The following LPAR5 variants were observed in gnomAD, a reference collection of about 807,000 sequenced individuals.
LPAR5 encodes the protein lysophosphatidic acid receptor 5.
For missense variants in LPAR5, 544 were observed against 521.8 expected, an observed-to-expected ratio of 1.04 and a Z score of -0.41; for synonymous variants, 271 against 261.6, an observed-to-expected ratio of 1.04 and a Z score of -0.35.
At chr12:6,635,297 C>T (rs1949003159) in intron 1 of LPAR5, among the ~76,000 whole-genome samples, 1 of 152,102 alleles carries the variant, frequency 6.6e-6, no homozygotes, top group Non-Finnish European at 1.5e-5. Context: ...CCCCTGAAGC[C>T]ACCATCTATC....
chr12:6,633,772 C>G (rs931764651), intron 1 of LPAR5, among the ~76,000 whole-genome samples: 1 of 152,058 alleles, frequency 6.6e-6, no homozygotes, highest in African/African-American at 2.4e-5. Flanking sequence ...GTAGGTATGT[C>G]CTGGGGTATG....
chr12:6,626,800 C>T (rs1473813264), intron 1 of LPAR5, among the ~76,000 whole-genome samples: 1 of 152,228 alleles, frequency 6.6e-6, no homozygotes, highest in Non-Finnish European at 1.5e-5. Flanking sequence ...CCTAACCGCC[C>T]CCGCAACACA....
At chr12:6,622,614 G>A (rs1388865705) in intron 1 of LPAR5, among the ~76,000 whole-genome samples, 6 of 146,168 alleles carry the variant, frequency 4.1e-5, no homozygotes, top group Non-Finnish European at 1.5e-5. Flanking sequence ...AGCCGGGCGT[G>A]GTGGCAGGCG....
chr12:6,632,750 G>A (rs1027408147), intron 1 of LPAR5, among the ~76,000 whole-genome samples: 1 of 152,218 alleles, frequency 6.6e-6, no homozygotes, highest in African/African-American at 2.4e-5. Flanking sequence ...GGGATGAGAT[G>A]GAAGACTAAA....
chr12:6,628,702 C>G (rs547507157), intron 1 of LPAR5, among the ~76,000 whole-genome samples: 7 of 149,496 alleles, frequency 4.7e-5, no homozygotes, highest in South Asian at 2.1e-4. Context: ...GCACGATCTC[C>G]GCTCACCGCA....
At position 6,620,969 on chromosome 12, in the gene LPAR5, A is replaced by G; in HGVS notation, c.280T>C (p.Cys94Arg). The G allele has an allele frequency of 1.2e-6, 2 of 1,613,354 alleles. No individual in the cohort carries two copies. The change falls in exon 2 of 2, where the codon TGC becomes CGC. Residue 94 changes from cysteine to arginine, a missense_variant. Transcript: ENST00000329858. The surrounding 1 kb of genome is among the most constrained non-coding windows in gnomAD (Gnocchi z 6.8). ...LHHWPFPDLL[C>R]QTTGAIFQMN... ...TGGAAGATGGCGCCCGTCGTCTGGC[A>G]CAGGAGGTCGGGGAAGGGCCAGTGG...
At position 6,621,344 on chromosome 12, in the gene LPAR5, T is replaced by G; in HGVS notation, c.-96A>C. ...ACCTCCGGGGCTGGGGCCTAGAGGC[T>G]GTACAGACATGGTCCCAAAACAAGC... is the stretch of plus-strand genomic sequence containing the variant. On this transcript the variant is annotated 5_prime_UTR_variant, in exon 2 of 2. Coordinates refer to ENST00000329858, the MANE Select transcript of LPAR5 (RefSeq NM_020400.6). 1 of 1,216,502 alleles carries G rather than the reference T, an allele frequency of 8.2e-7. No homozygotes were observed. Among genetic ancestry groups the G allele is most frequent in the Non-Finnish European group, 1.1e-6 (1 of 924,818 alleles). 75.4% of individuals were successfully genotyped at this position (1,216,502 alleles called of 1,614,324 possible). A position where few individuals can be genotyped will look rare whatever the true frequency, so the allele number is the denominator to read the frequency against.
At chr12:6,622,886 TCAA>T (rs1948906520) in intron 1 of LPAR5, among the ~76,000 whole-genome samples, 2 of 151,700 alleles carry the variant, frequency 1.3e-5, no homozygotes, top group African/African-American at 4.8e-5. Context: ...GCAGTGAGCC[TCAA>T]GCCCACCACT....
In LPAR5 at chr12:6,619,246, T is replaced by C. The variant is rs1264286409; in HGVS notation, c.*884A>G. ...AAAGCTCTTTGAGATCCTCAATTTC[T>C]AAGAGTGGGGTCTGAGACCAAAAAG... is the stretch of plus-strand genomic sequence containing the variant. On this transcript the variant is annotated 3_prime_UTR_variant, in exon 2 of 2. Coordinates refer to ENST00000329858, the MANE Select transcript of LPAR5 (RefSeq NM_020400.6). The C allele has an allele frequency of 6.6e-6, 1 of 152,180 alleles. No homozygotes were observed. Among genetic ancestry groups the C allele is most frequent in the African/African-American group, 2.4e-5 (1 of 41,432 alleles). 9.4% of individuals were successfully genotyped at this position (152,180 alleles called of 1,614,324 possible). A position where few individuals can be genotyped will look rare whatever the true frequency, so the allele number is the denominator to read the frequency against.
intron 1 of LPAR5, among the ~76,000 whole-genome samples, chr12:6,626,463 G>A (rs1948940809): frequency 6.6e-6 from 1 of 152,094 alleles, no homozygotes; most frequent in Admixed American, 6.6e-5. Context: ...ACCACCATCA[G>A]CAGTTTGAGA....
rs1948872451 is a variant in LPAR5 at position 6,619,904 on chromosome 12, T to C, written c.*226A>G. Reference sequence around the variant, plus strand: ...GGCTCTCTGCATCACTTCCCACCGCTGGAGAAGGGGTGCTCTGCGTGCTCA... The same window carrying C: ...GGCTCTCTGCATCACTTCCCACCGCCGGAGAAGGGGTGCTCTGCGTGCTCA... On this transcript the variant is annotated 3_prime_UTR_variant, in exon 2 of 2. Coordinates refer to ENST00000329858, the MANE Select transcript of LPAR5 (RefSeq NM_020400.6). The C allele has an allele frequency of 2.8e-6, 2 of 717,834 alleles. No individual in the cohort carries two copies. Among genetic ancestry groups the C allele is most frequent in the African/African-American group, 3.5e-5 (2 of 57,446 alleles). The allele number at this position is 717,834 out of a possible 1,614,324, so 44.5% of individuals were successfully genotyped here.
At chr12:6,633,188 A>C (rs995819020) in intron 1 of LPAR5, among the ~76,000 whole-genome samples, 1 of 152,154 alleles carries the variant, frequency 6.6e-6, no homozygotes, top group Non-Finnish European at 1.5e-5. Flanking sequence ...CGAGAGCTGG[A>C]AAAGCAAGAA....
Position 6,621,293 on chromosome 12 carries a change from C to A in LPAR5, c.-45G>T. The A allele has an allele frequency of 6.8e-7, 1 of 1,461,016 alleles. No individual in the cohort carries two copies. The highest frequency in any genetic ancestry group is 2.7e-5 in the Admixed American group (1 of 37,412). 90.5% of individuals were successfully genotyped at this position (1,461,016 alleles called of 1,614,324 possible). On this transcript the variant is annotated 5_prime_UTR_variant, in exon 2 of 2. Coordinates refer to ENST00000329858, the MANE Select transcript of LPAR5 (RefSeq NM_020400.6). Reference sequence around the variant, plus strand: ...GAGCTAGGCTGGGGATGCCATGGAGCACACCAGAATCATGGCATGGCATTC... The same window carrying A: ...GAGCTAGGCTGGGGATGCCATGGAGAACACCAGAATCATGGCATGGCATTC...
intron 1 of LPAR5, among the ~76,000 whole-genome samples, chr12:6,623,179 A>G (rs1303697827): frequency 1.3e-5 from 2 of 151,922 alleles, no homozygotes; most frequent in Admixed American, 6.6e-5. Flanking sequence ...CGGAGGTTGC[A>G]GTGAGCTGAC....
Position 6,621,169 on chromosome 12 carries a change from A to G in LPAR5, c.80T>C (p.Val27Ala). 1 of 1,582,520 alleles carries G rather than the reference A, an allele frequency of 6.3e-7. No homozygotes were observed. The highest frequency in any genetic ancestry group is 8.6e-7 in the Non-Finnish European group (1 of 1,164,428). ...DYRPTHRLHL[V>A]VYSLVLAAGL... Reference sequence around the variant, plus strand: ...GGCAGCCAGCACCAAGCTGTAGACCACCAAGTGCAGGCGGTGGGTAGGTCG... The same window carrying G: ...GGCAGCCAGCACCAAGCTGTAGACCGCCAAGTGCAGGCGGTGGGTAGGTCG... The change falls in exon 2 of 2, where the codon GTG becomes GCG. Residue 27 changes from valine (V) to alanine (A), a missense_variant. Coordinates refer to ENST00000329858, the MANE Select transcript of LPAR5 (RefSeq NM_020400.6).
chr12:6,620,791 G>A lies in LPAR5; in HGVS notation c.458C>T (p.Ala153Val). The A allele has an allele frequency of 6.3e-7, 1 of 1,579,374 alleles. No homozygotes were observed. Residue 153 changes from alanine to valine, a missense_variant, in exon 2 of 2, where the codon GCC (alanine) becomes GTC (valine). By Grantham distance (64) the Ala-to-Val change is moderately conservative. Coordinates refer to ENST00000329858, the MANE Select transcript of LPAR5 (RefSeq NM_020400.6). The surrounding 1 kb of genome is among the most constrained non-coding windows in gnomAD (Gnocchi z 6.8). ...LGVWALILVF[A>V]VPAARVHRPS... ...CCTGTGCACGCGGGCGGCGGGCACG[G>A]CAAACACCAGGATGAGCGCCCACAC...
chr12:6,634,933 C>T (rs1949001204), intron 1 of LPAR5, among the ~76,000 whole-genome samples: 1 of 127,380 alleles, frequency 7.9e-6, no homozygotes, highest in African/African-American at 3.0e-5. Flanking sequence ...ACTAAAAATG[C>T]AAAAATTAGC....
Position 6,620,498 on chromosome 12 carries a change from T to A in LPAR5, c.751A>T (p.Asn251Tyr). The A allele has an allele frequency of 6.3e-7, 1 of 1,587,374 alleles. No individual in the cohort carries two copies. Among genetic ancestry groups the A allele is most frequent in the Non-Finnish European group, 8.6e-7 (1 of 1,167,098 alleles). Residue 251 changes from asparagine (N) to tyrosine (Y), a missense_variant, in exon 2 of 2, where the codon AAC becomes TAC. Coordinates refer to ENST00000329858, the MANE Select transcript of LPAR5 (RefSeq NM_020400.6). This position sits in a 1 kb window ranked among gnomAD's most constrained non-coding sequence, Gnocchi z 6.8. Reference protein sequence around the residue: ...VIFLLCFVPYNSTLAVYGLLR... With the variant: ...VIFLLCFVPYYSTLAVYGLLR... ...AGCCCGTAGACCGCCAGCGTGCTGT[T>A]GTAGGGCACGAAGCACAGCAGGAAG... is the stretch of plus-strand genomic sequence containing the variant.
At chr12:6,630,861 C>T (rs887935188) in intron 1 of LPAR5, among the ~76,000 whole-genome samples, 1 of 152,324 alleles carries the variant, frequency 6.6e-6, no homozygotes, top group South Asian at 2.1e-4. Flanking sequence ...CTGGCCTGGT[C>T]CCCATCCCAC....
Sources: allele counts gnomAD v4.1 joint callset (sites outside exome capture counted in the v4.1 genomes callset), GRCh38; gene constraint gnomAD v4.1.1; non-coding constraint Gnocchi (gnomAD v3.1); transcripts MANE v1.5; gene names NCBI Gene and HGNC (gene_info 2026-07-23, HGNC 2026-07-21).